Variants in REST observed in about 807,000 individuals in gnomAD.
REST encodes the protein RE1-silencing transcription factor.
A neutral mutation model predicts 30.4 loss-of-function variants in REST; 1 was observed. The ratio of observed to expected loss-of-function variants is 0.03; its 90% CI spans 0.01 to 0.16. REST has a LOEUF of 0.16. Among genes scored for constraint, REST ranks in the 10% least tolerant of loss-of-function variants. The probability of loss-of-function intolerance (pLI) is 1.00; values close to 1 mark genes in which losing one functional copy is unlikely to be tolerated. For synonymous variants in REST, 504 were observed against 451.1 expected (o/e 1.12, Z -1.49); for missense variants, 1,259 against 1,329.5 (o/e 0.95, Z 0.82).
chr4:56,912,339 CTTTTTT>C (rs11318390), intron 2 of REST, among the ~76,000 whole-genome samples: 24 of 112,708 alleles, frequency 2.1e-4, no homozygotes, highest in African/African-American at 8.0e-4. Flanking sequence ...AAAGTTGAAA[CTTTTTT>C]TTTTTTTTTT....
rs1721043672 is a variant in REST, at chr4:56,933,416, A to G, written c.*1264A>G. On this transcript the variant is annotated 3_prime_UTR_variant, in exon 4 of 4. Transcript: ENST00000309042. The stretch of plus-strand genomic sequence containing the variant: ...ATATCACTTGGGAGATTCCAAAGCC[A>G]TAGCTATTACGCGGCAAACCTAGGA... 1 of 152,236 alleles carries G rather than the reference A, an allele frequency of 6.6e-6. No individual in the cohort carries two copies. The highest frequency in any genetic ancestry group is 6.5e-5 in the Admixed American group (1 of 15,280). The allele number at this position is 152,236 out of a possible 1,614,324, so 9.4% of individuals were successfully genotyped here.
chr4:56,932,078 G>C lies in REST; in HGVS notation c.3220G>C (p.Asp1074His), dbSNP rs746688243. ...TGATCGTTCTTTCAGAAAGGGAAAA[G>C]ATTACAGCAAACACCTCAATCGCCA... is the stretch of plus-strand genomic sequence containing the variant. ...FCDRSFRKGK[D>H]YSKHLNRHLV... is the part of the protein sequence containing the mutation. Residue 1074 changes from aspartate to histidine, a missense_variant, in exon 4 of 4, where the codon GAT (aspartate) becomes CAT (histidine). Asp to His is a moderately conservative substitution (Grantham distance 81). Coordinates refer to ENST00000309042, the MANE Select transcript of REST (RefSeq NM_005612.5). 1 of 1,614,204 alleles carries C rather than the reference G, an allele frequency of 6.2e-7. No individual in the cohort carries two copies. The highest frequency in any genetic ancestry group is 2.2e-5 in the East Asian group (1 of 44,886).
chr4:56,921,124 A>G (rs1720428939), intron 3 of REST, among the ~76,000 whole-genome samples: 1 of 152,042 alleles, frequency 6.6e-6, no homozygotes. Flanking sequence ...TTGGCCTCCC[A>G]AAGTACTGGG....
intron 3 of REST, among the ~76,000 whole-genome samples, chr4:56,925,919 T>G (rs1266176818): frequency 6.6e-6 from 1 of 152,204 alleles, no homozygotes; most frequent in African/African-American, 2.4e-5. Context: ...TCTATAGATC[T>G]CCTTATTCAT....
In REST at chr4:56,920,086, T is replaced by C. The variant is rs1263111111; in HGVS notation, c.982+216T>C. 5.3e-5 allele frequency: 19 copies of C among 358,216 alleles called. No homozygotes were observed. The East Asian group carries it at 8.2e-4, about 15-fold the overall frequency. The allele number at this position is 358,216 out of a possible 1,614,324, so 22.2% of individuals were successfully genotyped here. A position where few individuals can be genotyped will look rare whatever the true frequency, so the allele number is the denominator to read the frequency against. ...ATGGAATTTTTGTGTACACTTTTTCTGGGAGGAGGGGCCTTAATTCTCATC... is the reference window on the plus strand; with the variant it reads ...ATGGAATTTTTGTGTACACTTTTTCCGGGAGGAGGGGCCTTAATTCTCATC... On this transcript the variant is annotated intron_variant, in intron 3 of 3. Transcript: ENST00000309042.
chr4:56,926,912 C>T (rs1315046216), intron 3 of REST, among the ~76,000 whole-genome samples: 1 of 151,790 alleles, frequency 6.6e-6, no homozygotes, highest in African/African-American at 2.4e-5. Context: ...GCCTGATCAA[C>T]ATGGAGAAAT....
At chr4:56,922,046 A>C (rs933730291) in intron 3 of REST, among the ~76,000 whole-genome samples, 2 of 152,146 alleles carry the variant, frequency 1.3e-5, no homozygotes, top group Non-Finnish European at 2.9e-5. Flanking sequence ...TATAGTTGCT[A>C]GCCTTTCTTG....
chr4:56,920,941 C>A (rs1210308493), intron 3 of REST, among the ~76,000 whole-genome samples: 1 of 152,142 alleles, frequency 6.6e-6, no homozygotes, highest in Non-Finnish European at 1.5e-5. Flanking sequence ...TCTCAGCTCA[C>A]CGCAACCTCC....
chr4:56,913,696 T>A (rs1720037361), intron 2 of REST, among the ~76,000 whole-genome samples: 1 of 152,166 alleles, frequency 6.6e-6, no homozygotes, highest in Non-Finnish European at 1.5e-5. Flanking sequence ...TGCCCCAGGC[T>A]GGAGTGCAGT....
intron 2 of REST, 192 bp downstream of exon 2, chr4:56,911,728 G>T: frequency 1.7e-6 from 1 of 591,548 alleles, no homozygotes; most frequent in South Asian, 2.1e-5. Flanking sequence ...TATCTAGGTT[G>T]GGAGGATTAT....
chr4:56,930,466 T>C lies in REST; in HGVS notation c.1608T>C (p.Asp536=). The part of the protein sequence containing the change: ...DSHSLHGPVN[D]EESSTKKKKK... The stretch of plus-strand genomic sequence containing the variant: ...ATTCTTTACATGGTCCTGTGAATGA[T>C]GAGGAATCTTCAACAAAAAAGAAAA... The change falls in exon 4 of 4, where the codon GAT becomes GAC. Residue 536 remains aspartate (D), a synonymous_variant. Coordinates refer to ENST00000309042, the MANE Select transcript of REST (RefSeq NM_005612.5). 2 of 1,612,848 alleles carry C rather than the reference T, an allele frequency of 1.2e-6. No individual in the cohort carries two copies. The highest frequency in any genetic ancestry group is 1.7e-6 in the Non-Finnish European group (2 of 1,179,782).
In REST at chr4:56,930,108, A is replaced by G. The variant is rs552744964; in HGVS notation, c.1250A>G (p.Asn417Ser). 14 of 1,613,868 alleles carry G rather than the reference A, an allele frequency of 8.7e-6. No homozygotes were observed. The highest frequency in any genetic ancestry group is 1.1e-5 in the Non-Finnish European group (13 of 1,179,992). Residue 417 changes from asparagine (N) to serine (S), a missense_variant, in exon 4 of 4, where the codon AAT becomes AGT. By Grantham distance (46) the Asn-to-Ser change is conservative (BLOSUM62 1). This residue lies in a region of REST where 856 missense variants were observed against 772.8 expected (regional missense o/e 1.11). Coordinates refer to ENST00000309042, the MANE Select transcript of REST (RefSeq NM_005612.5). Reference protein sequence around the residue: ...HFKSKHPTCPNKTMDVSKVKL... With the variant: ...HFKSKHPTCPSKTMDVSKVKL... The stretch of plus-strand genomic sequence containing the variant: ...AAATCTAAGCATCCTACTTGTCCTA[A>G]TAAAACAATGGATGTCTCAAAAGTG...
rs1265108771 is a variant in REST at position 56,911,344 on chromosome 4, A to C, written c.706A>C (p.Lys236Gln). Residue 236 changes from lysine (K) to glutamine (Q), a missense_variant, in exon 2 of 4, where the codon AAA becomes CAA. Lys to Gln is a moderately conservative substitution (Grantham distance 53). Around this residue, in one of 5 missense-constraint regions of REST, gnomAD observed 125 missense variants for 255.4 expected, o/e 0.49. Transcript: ENST00000309042. ...ATATGATCACTATACAGCACACCTG[A>C]AACACCACACCAGAGCTGGGGATAA... ...NRYDHYTAHL[K>Q]HHTRAGDNER... 1 of 1,614,222 alleles carries C rather than the reference A, an allele frequency of 6.2e-7. No individual in the cohort carries two copies.
chr4:56,921,232 T>TG (rs1360845677), intron 3 of REST, among the ~76,000 whole-genome samples: 1 of 152,162 alleles, frequency 6.6e-6, no homozygotes, highest in East Asian at 1.9e-4. Context: ...TCTTAAATCT[T>TG]GCTGTTACAA....
chr4:56,932,169 G>A lies in REST; in HGVS notation c.*17G>A. ...CAGGAGTAATGAAACTTTGAACAAGGTTTCAGTTCTTAGTTTGTAAGGTAT... is the reference window on the plus strand; with the variant it reads ...CAGGAGTAATGAAACTTTGAACAAGATTTCAGTTCTTAGTTTGTAAGGTAT... On this transcript the variant is annotated 3_prime_UTR_variant, in exon 4 of 4. Transcript: ENST00000309042. 1 of 1,581,080 alleles carries A rather than the reference G, an allele frequency of 6.3e-7. No individual in the cohort carries two copies. The highest frequency in any genetic ancestry group is 8.6e-7 in the Non-Finnish European group (1 of 1,164,618).
intron 2 of REST, among the ~76,000 whole-genome samples, chr4:56,915,914 G>A (rs1560444710): frequency 6.6e-6 from 1 of 152,204 alleles, no homozygotes; most frequent in Non-Finnish European, 1.5e-5. Flanking sequence ...TTAAAAGGCT[G>A]AAGTGATGTT....
rs532271391 is a variant in REST, at chr4:56,934,776, A to G, written c.*2624A>G. 6 of 152,336 alleles carry G rather than the reference A, an allele frequency of 3.9e-5. No homozygotes were observed. Among genetic ancestry groups the G allele is most frequent in the African/African-American group, 1.4e-4 (6 of 41,586 alleles). 9.4% of individuals were successfully genotyped at this position (152,336 alleles called of 1,614,324 possible). On this transcript the variant is annotated 3_prime_UTR_variant, in exon 4 of 4. Transcript: ENST00000309042. ...CTTTGGATAAAAGAACAAAAATTGA[A>G]CATGTTATTTGTAAATTGATGTTTA... is the stretch of plus-strand genomic sequence containing the variant.
Position 56,932,390 on chromosome 4 carries a change from A to C in REST, c.*238A>C. Reference sequence around the variant, plus strand: ...TCTGTTAGCTTATGTGTTTAATTGAAATTAGAAGGCTAAGATGGTATAACA... The same window carrying C: ...TCTGTTAGCTTATGTGTTTAATTGACATTAGAAGGCTAAGATGGTATAACA... On this transcript the variant is annotated 3_prime_UTR_variant, in exon 4 of 4. Transcript: ENST00000309042. 1 of 414,230 alleles carries C rather than the reference A, an allele frequency of 2.4e-6. No individual in the cohort carries two copies. The highest frequency in any genetic ancestry group is 4.3e-6 in the Non-Finnish European group (1 of 234,522). 25.7% of individuals were successfully genotyped at this position (414,230 alleles called of 1,614,324 possible).
At chr4:56,913,822 G>GT (rs927992248) in intron 2 of REST, among the ~76,000 whole-genome samples, 4 of 151,918 alleles carry the variant, frequency 2.6e-5, no homozygotes, top group Admixed American at 6.6e-5. Flanking sequence ...CTAATTTTTT[G>GT]TTTTTTTAGT....
Sources: allele counts gnomAD v4.1 joint callset (sites outside exome capture counted in the v4.1 genomes callset), GRCh38; gene constraint gnomAD v4.1.1; regional missense constraint gnomAD v4.1.1; transcripts MANE v1.5; gene names NCBI Gene and HGNC (gene_info 2026-07-23, HGNC 2026-07-21).